FBN1: variants seen among roughly 807,000 people sequenced by gnomAD.
FBN1 encodes fibrillin 1.
A neutral mutation model predicts 365.1 loss-of-function variants in FBN1; 29 were observed. That is an observed-to-expected ratio of 0.08 (90% CI 0.06 to 0.11). The LOEUF is 0.11. Ranked by LOEUF, FBN1 falls within the 10% of genes least tolerant of loss-of-function variation. The pLI is 1.00. For missense variants in FBN1, 2,476 were observed against 3,703.2 expected, an observed-to-expected ratio of 0.67 and a Z score of 8.60; for synonymous variants, 1,210 against 1,270.5, an observed-to-expected ratio of 0.95 and a Z score of 1.01.
At chr15:48,532,061 T>C (rs1469031072) in intron 8 of FBN1, among the ~76,000 whole-genome samples, 1 of 152,172 alleles carries the variant, frequency 6.6e-6, no homozygotes, top group Non-Finnish European at 1.5e-5. Flanking sequence ...ACCACCATAA[T>C]AGGTTTCTTA....
chr15:48,591,394 A>G (rs1027265679), intron 6 of FBN1, among the ~76,000 whole-genome samples: 1 of 152,214 alleles, frequency 6.6e-6, no homozygotes, highest in African/African-American at 2.4e-5. Context: ...AGCTGTTGTA[A>G]TATTACAAGA....
At chr15:48,482,588 G>A (rs766155644) in intron 31 of FBN1, among the ~76,000 whole-genome samples, 3 of 152,170 alleles carry the variant, frequency 2.0e-5, no homozygotes, top group South Asian at 2.1e-4. Flanking sequence ...TCCTTGAGTT[G>A]AGGAGATGAA....
At chr15:48,555,769 G>A (rs1440800232) in intron 6 of FBN1, among the ~76,000 whole-genome samples, 3 of 152,050 alleles carry the variant, frequency 2.0e-5, no homozygotes, top group Non-Finnish European at 4.4e-5. Flanking sequence ...CTTCCCCTGG[G>A]CCACACAACT....
At chr15:48,516,729 G>A (rs2043807165) in intron 10 of FBN1, among the ~76,000 whole-genome samples, 1 of 152,170 alleles carries the variant, frequency 6.6e-6, no homozygotes, top group African/African-American at 2.4e-5. Context: ...TTTATTTTAT[G>A]CGCAGTGCAA....
chr15:48,527,452 A>G (rs1204595255), intron 8 of FBN1, among the ~76,000 whole-genome samples: 1 of 152,210 alleles, frequency 6.6e-6, no homozygotes, highest in African/African-American at 2.4e-5. Context: ...AGACCAGCAG[A>G]GCTTTCTGCA....
intron 2 of FBN1, among the ~76,000 whole-genome samples, chr15:48,619,759 T>C (rs1889730767): frequency 6.6e-6 from 1 of 151,636 alleles, no homozygotes; most frequent in Non-Finnish European, 1.5e-5. Flanking sequence ...TTTGTGACTA[T>C]GGAAATAAAA....
intron 6 of FBN1, among the ~76,000 whole-genome samples, chr15:48,571,523 C>T (rs575155076): frequency 3.0e-4 from 45 of 151,758 alleles, no homozygotes; most frequent in Middle Eastern, 3.4e-3. Flanking sequence ...AATTTAAATA[C>T]CTGCAAAAAT....
chr15:48,546,681 G>A (rs1227837258), intron 6 of FBN1, among the ~76,000 whole-genome samples: 1 of 152,182 alleles, frequency 6.6e-6, no homozygotes, highest in Non-Finnish European at 1.5e-5. Flanking sequence ...ACTGTTATTT[G>A]AGAAGTGTGC....
Position 48,644,589 on chromosome 15 carries a change from G to T in FBN1, c.164+17C>A. 6.2e-7 allele frequency: 1 copy of T among 1,614,000 alleles called. No individual in the cohort carries two copies. Among genetic ancestry groups the T allele is most frequent in the Non-Finnish European group, 8.5e-7 (1 of 1,179,990 alleles). ...ACTTGGGAGACCCACACCAAAGGAG[G>T]GAACCGGTTCCTTTACCCTTTAAGC... On this transcript the variant is annotated intron_variant, in intron 2 of 65. Transcript: ENST00000316623.
chr15:48,433,674 T>C (rs1597523015), intron 54 of FBN1, among the ~76,000 whole-genome samples: 2 of 152,352 alleles, frequency 1.3e-5, no homozygotes, highest in South Asian at 2.1e-4. Flanking sequence ...AGGATTAAAA[T>C]AGACCATCTC....
At chr15:48,533,109 A>G (rs2043986769) in intron 8 of FBN1, among the ~76,000 whole-genome samples, 1 of 152,240 alleles carries the variant, frequency 6.6e-6, no homozygotes, top group Admixed American at 6.5e-5. Context: ...TGACAAGGTT[A>G]ATTATCCAGC....
At chr15:48,636,486 C>T (rs1890094675) in intron 2 of FBN1, among the ~76,000 whole-genome samples, 1 of 152,186 alleles carries the variant, frequency 6.6e-6, no homozygotes, top group Admixed American at 6.5e-5. Context: ...CAGACACTCA[C>T]TCTGAGCAAG....
chr15:48,463,326 G>A, intron 41 of FBN1, 86 bp from the exon 42 acceptor site: 1 of 1,293,366 alleles, frequency 7.7e-7, no homozygotes, highest in South Asian at 1.2e-5. Flanking sequence ...TACTCAACAA[G>A]CAAGTTTCAT....
At chr15:48,492,403 T>C (rs1311218700) in intron 24 of FBN1, 58 bp downstream of exon 24, 62 of 1,558,934 alleles carry the variant, frequency 4.0e-5, no homozygotes, top group Non-Finnish European at 5.3e-5. Context: ...CTTGTTAACT[T>C]CATTTTTAAT....
chr15:48,461,635 CA>C lies in FBN1; in HGVS notation c.5225-1319del, dbSNP rs551932365. 4.7e-4 allele frequency among the ~76,000 whole-genome samples: 71 copies of C among 152,204 alleles called. 1 individual carries two copies. The highest frequency in any genetic ancestry group is 1.3e-3 in the African/African-American group (55 of 41,536). On this transcript the variant is annotated intron_variant, in intron 42 of 65. Transcript: ENST00000316623. The stretch of plus-strand genomic sequence containing the variant: ...GCATAAGCTTCAGATTTTTTACCAA[CA>C]GGTAAGTACCACCTAAAGTTGTAAA...
rs1269096957 is a variant in FBN1 at position 48,446,783 on chromosome 15, G to A, written c.5711C>T (p.Thr1904Ile). 1 of 1,612,978 alleles carries A rather than the reference G, an allele frequency of 6.2e-7. No homozygotes were observed. Among genetic ancestry groups the A allele is most frequent in the Non-Finnish European group, 8.5e-7 (1 of 1,179,060 alleles). The change falls in exon 47 of 66, where the codon ACT becomes ATT. Residue 1904 changes from threonine (T) to isoleucine (I), a missense_variant. Around this residue, in one of 5 missense-constraint regions of FBN1, gnomAD observed 1,780 missense variants for 2,840.8 expected, o/e 0.63. Transcript: ENST00000316623. ...GAAGGAACCAATTGTGTTCCGGCAA[G>A]TTCCATTCCCACAGGCATCTCTTTC... ...ECERDACGNGTCRNTIGSFNC... is the reference protein window; with the variant it reads ...ECERDACGNGICRNTIGSFNC...
At chr15:48,546,229 G>A (rs2044092288) in intron 6 of FBN1, among the ~76,000 whole-genome samples, 1 of 152,192 alleles carries the variant, frequency 6.6e-6, no homozygotes, top group Non-Finnish European at 1.5e-5. Flanking sequence ...TCTTGTGGAG[G>A]AGGTAGTGAA....
At position 48,412,633 on chromosome 15, in the gene FBN1, T is replaced by C. The variant is rs1167491040; in HGVS notation, c.8162A>G (p.Asn2721Ser). 5 of 1,614,130 alleles carry C rather than the reference T, an allele frequency of 3.1e-6. No homozygotes were observed. The East Asian group carries it at 1.1e-4, about 36-fold the overall frequency. Reference protein sequence around the residue: ...SPEACYECKINGYPKRGRKRR... With the variant: ...SPEACYECKISGYPKRGRKRR... ...TTTCCTGCCCCGTTTGGGGTAGCCA[T>C]TGATCTTACACTCGTAACAAGCCTC... The change falls in exon 65 of 66, where the codon AAT becomes AGT. Residue 2721 changes from asparagine (N) to serine (S), a missense_variant. Asn to Ser is a conservative substitution (Grantham distance 46). This residue lies in a region of FBN1 where 177 missense variants were observed against 192.7 expected (regional missense o/e 0.92). Coordinates refer to ENST00000316623, the MANE Select transcript of FBN1 (RefSeq NM_000138.5).
chr15:48,549,697 C>T lies in FBN1; in HGVS notation c.539-11889G>A, dbSNP rs117427403. 5.9e-3 allele frequency among the ~76,000 whole-genome samples: 902 copies of T among 152,194 alleles called. 6 individuals are homozygous for T. Among genetic ancestry groups the T allele is most frequent in the Middle Eastern group, 0.01 (3 of 294 alleles). On this transcript the variant is annotated intron_variant, in intron 6 of 65. Transcript: ENST00000316623. The stretch of plus-strand genomic sequence containing the variant: ...TCCATGGCTCAGAAAAGGTAATAAT[C>T]CCCTGCACTATTTAAAAAGAAGTAA...
Sources: allele counts gnomAD v4.1 joint callset (sites outside exome capture counted in the v4.1 genomes callset), GRCh38; gene constraint gnomAD v4.1.1; regional missense constraint gnomAD v4.1.1; transcripts MANE v1.5; gene names NCBI Gene and HGNC (gene_info 2026-07-23, HGNC 2026-07-21).